SCHIP1: variants seen among roughly 807,000 people sequenced by gnomAD.
The protein encoded by SCHIP1 is schwannomin-interacting protein 1.
A neutral mutation model predicts 29.7 loss-of-function variants in SCHIP1; 8 were observed. That is an observed-to-expected ratio of 0.27 (90% CI 0.16 to 0.49). SCHIP1 has a LOEUF of 0.49. Among genes scored for constraint, SCHIP1 ranks in the 20% least tolerant of loss-of-function variants. SCHIP1 has a pLI of 0.99. For missense variants in SCHIP1, 193 were observed against 294.6 expected (o/e 0.66, Z 2.52); for synonymous variants, 76 against 94.9 (o/e 0.80, Z 1.16).
At chr3:159,660,969 T>C in the SCHIP1 span, among the ~76,000 whole-genome samples, 1 of 152,166 alleles carries the variant, frequency 6.6e-6, no homozygotes, top group African/African-American at 2.4e-5. Context: ...ACTGAGTGTA[T>C]ACGAATGCCA....
At chr3:159,706,426 A>G in the SCHIP1 span, among the ~76,000 whole-genome samples, 1 of 152,222 alleles carries the variant, frequency 6.6e-6, no homozygotes, top group Non-Finnish European at 1.5e-5. Flanking sequence ...CCTCCATTAT[A>G]TGTATTTTAA....
At chr3:159,445,672 A>G in the SCHIP1 span, among the ~76,000 whole-genome samples, 1 of 152,234 alleles carries the variant, frequency 6.6e-6, no homozygotes, top group Non-Finnish European at 1.5e-5. Context: ...TGTGGCACAT[A>G]TATACCATGT....
chr3:159,568,152 G>A, the SCHIP1 span, among the ~76,000 whole-genome samples: 1 of 151,902 alleles, frequency 6.6e-6, no homozygotes, highest in African/African-American at 2.4e-5. Context: ...TGATCTAATA[G>A]CCAGTAAGCT....
chr3:159,759,001 G>A, the SCHIP1 span, among the ~76,000 whole-genome samples: 1 of 152,150 alleles, frequency 6.6e-6, no homozygotes, highest in African/African-American at 2.4e-5. Flanking sequence ...AGGTGTCCTG[G>A]TTTCAAGTTT....
chr3:159,369,284 C>G, the SCHIP1 span, among the ~76,000 whole-genome samples: 2 of 152,096 alleles, frequency 1.3e-5, no homozygotes, highest in Non-Finnish European at 2.9e-5. Flanking sequence ...TTATTTAAAA[C>G]CATAAAATCC....
chr3:159,895,597 C>T (rs992298961), intron 6 of SCHIP1, among the ~76,000 whole-genome samples: 2 of 152,122 alleles, frequency 1.3e-5, no homozygotes. Flanking sequence ...TCCCCCTCTG[C>T]CCCACTGTCT....
At chr3:159,714,384 C>T in the SCHIP1 span, among the ~76,000 whole-genome samples, 3 of 152,184 alleles carry the variant, frequency 2.0e-5, no homozygotes, top group Non-Finnish European at 1.5e-5. Flanking sequence ...GCTTGTCGGA[C>T]AGTGGGTGCA....
chr3:159,757,376 A>G, the SCHIP1 span, among the ~76,000 whole-genome samples: 1 of 152,210 alleles, frequency 6.6e-6, no homozygotes, highest in East Asian at 1.9e-4. Flanking sequence ...CCTATTCACT[A>G]TCACCAGAAT....
the SCHIP1 span, among the ~76,000 whole-genome samples, chr3:159,541,272 G>A: frequency 1.3e-5 from 2 of 152,068 alleles, no homozygotes; most frequent in East Asian, 3.9e-4. Context: ...CGGGCAATAT[G>A]TGTTTTGGAG....
At chr3:159,576,620 T>C in the SCHIP1 span, among the ~76,000 whole-genome samples, 2 of 152,328 alleles carry the variant, frequency 1.3e-5, no homozygotes, top group East Asian at 3.9e-4. Context: ...TTAGCGACTT[T>C]GTTACCACCA....
chr3:159,712,289 A>G, the SCHIP1 span, among the ~76,000 whole-genome samples: 1 of 152,232 alleles, frequency 6.6e-6, no homozygotes, highest in Non-Finnish European at 1.5e-5. Flanking sequence ...TGTAGAATGT[A>G]TGCAAAGTAA....
the SCHIP1 span, among the ~76,000 whole-genome samples, chr3:159,456,360 C>T: frequency 6.6e-6 from 1 of 152,064 alleles, no homozygotes; most frequent in African/African-American, 2.4e-5. Flanking sequence ...TCAGATATAT[C>T]GATCTTTTCA....
the SCHIP1 span, among the ~76,000 whole-genome samples, chr3:159,665,895 A>G: frequency 6.6e-6 from 1 of 152,118 alleles, no homozygotes; most frequent in African/African-American, 2.4e-5. Flanking sequence ...TTTTCAGATG[A>G]TTGATTGCCT....
At chr3:159,610,904 G>A in the SCHIP1 span, among the ~76,000 whole-genome samples, 3 of 152,060 alleles carry the variant, frequency 2.0e-5, no homozygotes, top group African/African-American at 4.8e-5. Context: ...TTTGTGTTTC[G>A]AAACTCAACC....
At chr3:159,318,450 T>C in the SCHIP1 span, among the ~76,000 whole-genome samples, 1 of 152,232 alleles carries the variant, frequency 6.6e-6, no homozygotes, top group East Asian at 1.9e-4. Context: ...CCAGGTGCAC[T>C]GCTCAAAGCT....
the SCHIP1 span, among the ~76,000 whole-genome samples, chr3:159,318,918 C>T: frequency 1.3e-5 from 2 of 152,058 alleles, no homozygotes; most frequent in Admixed American, 6.6e-5. Context: ...AGTAACAGGC[C>T]ATGAGCTGTC....
At chr3:159,490,675 G>T in the SCHIP1 span, among the ~76,000 whole-genome samples, 1 of 152,262 alleles carries the variant, frequency 6.6e-6, no homozygotes, top group East Asian at 1.9e-4. Context: ...CAAAGCTGTG[G>T]ATATAAAATG....
At chr3:159,507,624 A>AGG in the SCHIP1 span, among the ~76,000 whole-genome samples, 2 of 152,088 alleles carry the variant, frequency 1.3e-5, no homozygotes, top group African/African-American at 4.8e-5. Context: ...AGCTCTTATT[A>AGG]TTTTGAGATA....
the SCHIP1 span, among the ~76,000 whole-genome samples, chr3:159,755,929 G>C: frequency 6.6e-6 from 1 of 152,244 alleles, no homozygotes; most frequent in African/African-American, 2.4e-5. Flanking sequence ...TGATGCAAGA[G>C]GTGGGTTCCC....
Sources: gnomAD v4.1 joint callset for allele counts (sites outside exome capture counted in the v4.1 genomes callset) on GRCh38, gnomAD v4.1.1 for gene constraint, MANE v1.5 for transcripts, NCBI Gene and HGNC (gene_info 2026-07-23, HGNC 2026-07-21) for gene names.